The following DNAH11 variants were observed in gnomAD, a reference collection of about 807,000 sequenced individuals.
The protein encoded by DNAH11 is axonemal beta dynein heavy chain 11.
Under a neutral mutation model 526.0 loss-of-function variants are expected in DNAH11, and 442 were observed. The observed-to-expected ratio is 0.84, with a 90% CI of 0.78 to 0.91. The LOEUF (loss-of-function observed/expected upper bound fraction) is 0.91, where lower values mean the gene tolerates loss of function less well. DNAH11 is among the 40% of genes least tolerant of loss of function. DNAH11 has a pLI of 0.00. For missense variants in DNAH11, 6,989 were observed against 5,448.7 expected (o/e 1.28, Z -8.90); for synonymous variants, 2,461 against 1,935.9 (o/e 1.27, Z -7.12).
chr7:21,726,335 A>G (rs1011542971), intron 45 of DNAH11, among the ~76,000 whole-genome samples: 28 of 152,056 alleles, frequency 1.8e-4, no homozygotes, highest in Admixed American at 7.9e-4. Flanking sequence ...CCATGACCCA[A>G]TCACCCCACA....
chr7:21,697,127 A>T (rs1360520430), intron 35 of DNAH11, among the ~76,000 whole-genome samples: 5 of 152,184 alleles, frequency 3.3e-5, no homozygotes, highest in Non-Finnish European at 7.4e-5. Context: ...ATTTACAAAA[A>T]CAGGTAGGTA....
At chr7:21,646,096 G>C (rs1003954213) in intron 28 of DNAH11, among the ~76,000 whole-genome samples, 3 of 151,990 alleles carry the variant, frequency 2.0e-5, no homozygotes, top group African/African-American at 7.2e-5. Context: ...AAAAACAAAG[G>C]CAGATTATCT....
At chr7:21,628,257 A>G (rs528680499) in intron 25 of DNAH11, among the ~76,000 whole-genome samples, 7 of 152,036 alleles carry the variant, frequency 4.6e-5, no homozygotes, top group South Asian at 2.1e-4. Context: ...TTTGACTTCT[A>G]CCTTCCAGTT....
chr7:21,717,919 G>A lies in DNAH11; in HGVS notation c.7128G>A (p.Leu2376=). Reference sequence around the variant, plus strand: ...TCACTTCAATTCCTGAGAGTAGCCTGGTGCAGGTTTGTCTTCGGTTACGCC... The same window carrying A: ...TCACTTCAATTCCTGAGAGTAGCCTAGTGCAGGTTTGTCTTCGGTTACGCC... The part of the protein sequence containing the change: ...KTITSIPESS[L]VQTLCVLLEC... Residue 2376 remains leucine, a synonymous_variant, in exon 43 of 82, where the codon CTG becomes CTA. Coordinates refer to ENST00000409508, the MANE Select transcript of DNAH11 (RefSeq NM_001277115.2). 1 of 1,611,442 alleles carries A rather than the reference G, an allele frequency of 6.2e-7. No homozygotes were observed. Among genetic ancestry groups the A allele is most frequent in the East Asian group, 2.2e-5 (1 of 44,844 alleles).
chr7:21,827,210 A>T (rs1447777098), intron 65 of DNAH11, among the ~76,000 whole-genome samples: 1 of 152,226 alleles, frequency 6.6e-6, no homozygotes, highest in African/African-American at 2.4e-5. Context: ...GGTAATTACA[A>T]ATAATTAAAT....
chr7:21,816,570 C>G lies in DNAH11; in HGVS notation c.10436C>G (p.Ser3479Cys). The change falls in exon 64 of 82, where the codon TCC becomes TGC. Residue 3479 changes from serine (S) to cysteine (C), a missense_variant. Transcript: ENST00000409508. Reference sequence around the variant, plus strand: ...GAAGGACTGCCCAGTGACAGAATGTCCACCGAAAATGCCGCTATCCTAACA... The same window carrying G: ...GAAGGACTGCCCAGTGACAGAATGTGCACCGAAAATGCCGCTATCCTAACA... ...NNEGLPSDRM[S>C]TENAAILTHC... The G allele has an allele frequency of 6.2e-7, 1 of 1,613,382 alleles. No individual in the cohort carries two copies. Among genetic ancestry groups the G allele is most frequent in the African/African-American group, 1.3e-5 (1 of 75,004 alleles).
chr7:21,806,862 A>G (rs963999729), intron 62 of DNAH11, among the ~76,000 whole-genome samples: 72 of 152,182 alleles, frequency 4.7e-4, no homozygotes, highest in African/African-American at 1.7e-3. Flanking sequence ...TTAAATGGCC[A>G]TCCAACTAGC....
intron 8 of DNAH11, among the ~76,000 whole-genome samples, chr7:21,573,289 C>G (rs1048144820): frequency 3.4e-5 from 5 of 147,806 alleles, no homozygotes; most frequent in Admixed American, 2.7e-4. Context: ...ATTTTGGAAG[C>G]CTATTCTATT....
intron 76 of DNAH11, among the ~76,000 whole-genome samples, chr7:21,887,688 TTA>T (rs1562604708): frequency 1.3e-5 from 2 of 152,306 alleles, no homozygotes; most frequent in East Asian, 3.9e-4. Flanking sequence ...TACATTTTCA[TTA>T]TATATATTTA....
intron 37 of DNAH11, chr7:21,703,907 T>G (rs1291440749): frequency 6.6e-6 from 1 of 152,236 alleles, no homozygotes; most frequent in Non-Finnish European, 1.5e-5. Flanking sequence ...TTCTTTCATT[T>G]ATTTTTTCTC....
At chr7:21,806,935 T>C (rs1372060471) in intron 62 of DNAH11, among the ~76,000 whole-genome samples, 1 of 152,182 alleles carries the variant, frequency 6.6e-6, no homozygotes, top group Admixed American at 6.5e-5. Context: ...CCTTTTTATA[T>C]AGGTCATAGC....
intron 39 of DNAH11, among the ~76,000 whole-genome samples, 157 bp downstream of exon 39, chr7:21,705,694 AT>A (rs1784237135): frequency 6.6e-6 from 1 of 152,140 alleles, no homozygotes; most frequent in African/African-American, 2.4e-5. Context: ...TGCTTGATCA[AT>A]TGACATTCTT....
chr7:21,818,012 G>A lies in DNAH11; in HGVS notation c.10569-205G>A, dbSNP rs577836294. Among the ~76,000 whole-genome samples, 71 of 152,072 alleles carry A rather than the reference G, an allele frequency of 4.7e-4. 1 individual carries two copies. The South Asian group carries it at 0.012, about 25-fold the overall frequency. On this transcript the variant is annotated intron_variant, in intron 64 of 81. Coordinates refer to ENST00000409508, the MANE Select transcript of DNAH11 (RefSeq NM_001277115.2). ...AGTTCAAACTATTAAATTTCACTTC[G>A]AAAATATGACTAAAATGTATCTTAA... is the stretch of plus-strand genomic sequence containing the variant.
chr7:21,662,869 A>T (rs1034047470), intron 30 of DNAH11, among the ~76,000 whole-genome samples: 3 of 152,078 alleles, frequency 2.0e-5, no homozygotes, highest in African/African-American at 7.2e-5. Flanking sequence ...TACAAGTGCA[A>T]TCTTGCTACC....
At chr7:21,673,768 A>G (rs1013059022) in intron 30 of DNAH11, among the ~76,000 whole-genome samples, 4 of 152,168 alleles carry the variant, frequency 2.6e-5, no homozygotes, top group Admixed American at 6.6e-5. Flanking sequence ...ATTATAATCA[A>G]GCTTGCTGAC....
chr7:21,824,361 A>G (rs1790184215), intron 65 of DNAH11, among the ~76,000 whole-genome samples: 1 of 152,194 alleles, frequency 6.6e-6, no homozygotes, highest in South Asian at 2.1e-4. Flanking sequence ...ATGTTCACAT[A>G]TTGGAATGAT....
intron 54 of DNAH11, among the ~76,000 whole-genome samples, chr7:21,759,352 A>G (rs936595816): frequency 6.6e-6 from 1 of 152,228 alleles, no homozygotes; most frequent in Non-Finnish European, 1.5e-5. Context: ...TGTGCTATCT[A>G]AAAGGGAAAT....
At chr7:21,557,737 G>A (rs529935545) in intron 2 of DNAH11, among the ~76,000 whole-genome samples, 9 of 152,274 alleles carry the variant, frequency 5.9e-5, no homozygotes, top group Admixed American at 3.3e-4. Context: ...TTTCTGGCAA[G>A]TCTTTCTTAA....
chr7:21,671,573 T>G (rs557781552), intron 30 of DNAH11, among the ~76,000 whole-genome samples: 41 of 152,256 alleles, frequency 2.7e-4, no homozygotes, highest in African/African-American at 9.9e-4. Context: ...TTTCTAGGTG[T>G]TTATCAATTT....
Sources: gnomAD v4.1 joint callset for allele counts (sites outside exome capture counted in the v4.1 genomes callset) on GRCh38, gnomAD v4.1.1 for gene constraint, MANE v1.5 for transcripts, NCBI Gene and HGNC (gene_info 2026-07-23, HGNC 2026-07-21) for gene names.